Variants in PRAMEF11 observed in about 807,000 individuals in gnomAD.
PRAMEF11 encodes the protein PRAME family member 11.
In PRAMEF11, 17 loss-of-function variants were observed where a neutral mutation model predicts 33.6. That is an observed-to-expected ratio of 0.51 (90% confidence interval 0.35 to 0.76). The LOEUF (loss-of-function observed/expected upper bound fraction) is 0.76, where lower values mean the gene tolerates loss of function less well. Among genes scored for constraint, PRAMEF11 ranks in the 30% least tolerant of loss-of-function variants. The pLI is 0.01. For synonymous variants in PRAMEF11, 205 were observed against 227.3 expected (o/e 0.90, Z 0.88); for missense variants, 568 against 567.0 (o/e 1.00, Z -0.02).
At chr1:12,828,469 C>T (rs780898303) in intron 2 of PRAMEF11, 28 bp downstream of exon 2, 1 of 1,587,160 alleles carries the variant, frequency 6.3e-7, no homozygotes. Context: ...CCTGGGCCCT[C>T]CCCACCAGCC....
intron 1 of PRAMEF11, 68 bp from the exon 2 acceptor site, chr1:12,828,873 C>T: frequency 1.3e-6 from 2 of 1,598,376 alleles, no homozygotes; most frequent in Non-Finnish European, 1.7e-6. Context: ...TCATCTTCTC[C>T]CAGGGCCAAA....
At chr1:12,828,200 G>T (rs1163004310) in intron 2 of PRAMEF11, among the ~76,000 whole-genome samples, 1 of 146,434 alleles carries the variant, frequency 6.8e-6, no homozygotes. Context: ...GGACAGGCTG[G>T]CCTCCAACTC....
rs753202201 is a variant in PRAMEF11 at position 12,828,703 on chromosome 1, G to A, written c.87C>T (p.Thr29=). Residue 29 remains threonine, a synonymous_variant, in exon 2 of 4, where the codon ACC becomes ACT. Coordinates refer to ENST00000619922, the MANE Select transcript of PRAMEF11 (RefSeq NM_001146344.3). ...LLRDQALAVS[T]LEELPTELFP... ...AAAGTTCCGTGGGCAGCTCCTCCAG[G>A]GTGGAGACGGCCAAGGCTTGGTCCC... The A allele has an allele frequency of 9.3e-6, 15 of 1,610,436 alleles. 2 individuals are homozygous for A. The highest frequency in any genetic ancestry group is 1.1e-5 in the Non-Finnish European group (13 of 1,178,068).
chr1:12,827,463 G>A lies in PRAMEF11; in HGVS notation c.661C>T (p.Pro221Ser), dbSNP rs563075431. Residue 221 changes from proline (P) to serine (S), a missense_variant, in exon 3 of 4, where the codon CCC becomes TCC. Pro to Ser is a moderately conservative substitution (Grantham distance 74). Coordinates refer to ENST00000619922, the MANE Select transcript of PRAMEF11 (RefSeq NM_001146344.3). ...TATGGGGTAAACTGTGTCAGGATGG[G>A]CAGTATCCACTTGCAATTCACTTCC... is the stretch of plus-strand genomic sequence containing the variant. Reference protein sequence around the residue: ...EVEVNCKWILPILTQFTPYLG... With the variant: ...EVEVNCKWILSILTQFTPYLG... The A allele has an allele frequency of 2.8e-5, 45 of 1,610,750 alleles. 1 individual carries two copies. The African/African-American group carries it at 5.9e-4, about 21-fold the overall frequency.
At chr1:12,827,989 T>G (rs1276263486) in intron 2 of PRAMEF11, among the ~76,000 whole-genome samples, 159 bp from the exon 3 acceptor site, 1 of 123,166 alleles carries the variant, frequency 8.1e-6, no homozygotes, top group African/African-American at 3.3e-5. Flanking sequence ...TTCCACATTT[T>G]TTTGTTTTTT....
intron 3 of PRAMEF11, among the ~76,000 whole-genome samples, chr1:12,826,204 C>T (rs1356060179): frequency 3.3e-5 from 5 of 151,128 alleles, no homozygotes; most frequent in Non-Finnish European, 5.9e-5. Context: ...GTCCCTGACA[C>T]ACCTGTATCA....
chr1:12,830,074 A>T (rs1223865650), intron 1 of PRAMEF11, among the ~76,000 whole-genome samples: 1 of 151,226 alleles, frequency 6.6e-6, no homozygotes. Context: ...GTGTCCTTCA[A>T]AGTCCTGAGT....
At chr1:12,826,046 A>G (rs1260236007) in intron 3 of PRAMEF11, among the ~76,000 whole-genome samples, 1 of 150,388 alleles carries the variant, frequency 6.6e-6, no homozygotes, top group South Asian at 2.2e-4. Context: ...GAATGGATCA[A>G]GTTCACAGAA....
chr1:12,828,912 C>T lies in PRAMEF11; in HGVS notation c.-16-107G>A. On this transcript the variant is annotated intron_variant, in intron 1 of 3. Transcript: ENST00000619922. ...ACTGCTCTGGCAATGGTGAAACAGC[C>T]CTCAGTTTACTCCAATTCTACTCTG... 6.0e-6 allele frequency: 9 copies of T among 1,494,438 alleles called. No homozygotes were observed. In the South Asian group the frequency reaches 1.1e-4, roughly 18 times the overall value. 92.6% of individuals were successfully genotyped at this position (1,494,438 alleles called of 1,614,324 possible).
chr1:12,828,633 C>A lies in PRAMEF11; in HGVS notation c.157G>T (p.Ala53Ser). The A allele has an allele frequency of 6.2e-7, 1 of 1,603,496 alleles. No homozygotes were observed. Among genetic ancestry groups the A allele is most frequent in the Non-Finnish European group, 8.5e-7 (1 of 1,174,366 alleles). ...CAGGCCTGCACCATCAGCTTCAGGG[C>A]CTCACAGCGTCTCCTGCTGAAGGCC... ...MEAFSRRRCE[A>S]LKLMVQAWPF... The change falls in exon 2 of 4, where the codon GCC (alanine) becomes TCC (serine). Residue 53 changes from alanine (A) to serine (S), a missense_variant. Ala to Ser is a moderately conservative substitution (Grantham distance 99). Transcript: ENST00000619922.
In PRAMEF11 at chr1:12,828,003, T is replaced by C. The variant is rs76850225; in HGVS notation, c.294-173A>G. On this transcript the variant is annotated intron_variant, in intron 2 of 3. Transcript: ENST00000619922. ...CTTCCACATTTTTTTGTTTTTTTTT[T>C]GAGACCAAGTCTCCTTCTGTCGCCC... Among the ~76,000 whole-genome samples, 80 of 150,202 alleles carry C rather than the reference T, an allele frequency of 5.3e-4. 1 individual carries two copies. Among genetic ancestry groups the C allele is most frequent in the African/African-American group, 1.8e-3 (73 of 40,932 alleles).
intron 2 of PRAMEF11, among the ~76,000 whole-genome samples, chr1:12,828,228 A>G (rs575295632): frequency 1.2e-4 from 17 of 145,414 alleles, no homozygotes; most frequent in East Asian, 6.1e-4. Context: ...CAGCCTCCCA[A>G]TGGGCTGGGA....
At chr1:12,830,672 C>A (rs1385197598) in intron 1 of PRAMEF11, among the ~76,000 whole-genome samples, 1 of 150,240 alleles carries the variant, frequency 6.7e-6, no homozygotes, top group Non-Finnish European at 1.5e-5. Flanking sequence ...ATGCATGTCA[C>A]CATGCTCGGC....
At chr1:12,826,704 G>T (rs1181336015) in intron 3 of PRAMEF11, among the ~76,000 whole-genome samples, 2 of 151,454 alleles carry the variant, frequency 1.3e-5, no homozygotes, top group African/African-American at 2.4e-5. Context: ...AGAAGTTGCT[G>T]CGAGCTGAGA....
At position 12,827,817 on chromosome 1, in the gene PRAMEF11, G is replaced by A; in HGVS notation, c.307C>T (p.Gln103Ter). ...CAGACATCCTGTAAATCCAGCACTT[G>A]AAGTTTCCATCTCCTGTGGGAAAAT... ...QGVRPRRWKL[Q>*]VLDLQDVCEN... Residue 103 changes from glutamine to a stop codon, truncating the protein, a stop_gained, in exon 3 of 4, where the codon CAA becomes TAA. Coordinates refer to ENST00000619922, the MANE Select transcript of PRAMEF11 (RefSeq NM_001146344.3). LOFTEE classifies it high-confidence loss of function. 1 of 1,607,324 alleles carries A rather than the reference G, an allele frequency of 6.2e-7. No homozygotes were observed. Among genetic ancestry groups the A allele is most frequent in the Non-Finnish European group, 8.5e-7 (1 of 1,177,800 alleles).
In PRAMEF11 at chr1:12,828,512, T is replaced by A. The variant is rs1342505897; in HGVS notation, c.278A>T (p.Gln93Leu). The change falls in exon 2 of 4, where the codon CAA (glutamine) becomes CTA (leucine). Residue 93 changes from glutamine (Q) to leucine (L), a missense_variant. Coordinates refer to ENST00000619922, the MANE Select transcript of PRAMEF11 (RefSeq NM_001146344.3). ...GCCACCTCACCTGGGACGAACCCCT[T>A]GGGTAAGCAGTGCATCCAGCCCATC... ...VLDGLDALLT[Q>L]GVRPRRWKLQ... 37 of 1,599,120 alleles carry A rather than the reference T, an allele frequency of 2.3e-5. No homozygotes were observed. The highest frequency in any genetic ancestry group is 1.8e-4 in the African/African-American group (13 of 73,366).
rs559347095 is a variant in PRAMEF11, at chr1:12,827,485, T to G, written c.639A>C (p.Glu213Asp). ...TGGGCAGTATCCACTTGCAATTCAC[T>G]TCCACCTCCTGGATACAGTCTAGGT... ...MVNLDCIQEV[E>D]VNCKWILPIL... Residue 213 changes from glutamate to aspartate, a missense_variant, in exon 3 of 4, where the codon GAA becomes GAC. Physicochemically the swap from Glu to Asp is conservative, Grantham distance 45 (BLOSUM62 2). This residue lies in a region of PRAMEF11 where 342 missense variants were observed against 312.0 expected (regional missense o/e 1.10). Transcript: ENST00000619922. The G allele has an allele frequency of 1.2e-6, 2 of 1,611,280 alleles. No homozygotes were observed. Among genetic ancestry groups the G allele is most frequent in the South Asian group, 1.1e-5 (1 of 90,892 alleles).
At position 12,827,410 on chromosome 1, in the gene PRAMEF11, C is replaced by T. The variant is rs773492795; in HGVS notation, c.714G>A (p.Lys238=). The T allele has an allele frequency of 6.2e-6, 10 of 1,606,544 alleles. No homozygotes were observed. Among genetic ancestry groups the T allele is most frequent in the Admixed American group, 3.3e-5 (2 of 59,748 alleles). The stretch of plus-strand genomic sequence containing the variant: ...AGACATCCATGTGGGAGAGAACGAG[C>T]TTCTGAAGATTCCTCAAGTGGCCCA... ...PYLGHLRNLQ[K]LVLSHMDVSR... The change falls in exon 3 of 4, where the codon AAG becomes AAA. Residue 238 remains lysine (K), a synonymous_variant. Transcript: ENST00000619922.
chr1:12,827,210 T>G, intron 3 of PRAMEF11, 39 bp downstream of exon 3: 1 of 1,519,572 alleles, frequency 6.6e-7, no homozygotes, highest in Non-Finnish European at 9.0e-7. Flanking sequence ...TAACAGGCTC[T>G]GCTGTGGTCT....
Sources: allele counts gnomAD v4.1 joint callset (sites outside exome capture counted in the v4.1 genomes callset), GRCh38; gene constraint gnomAD v4.1.1; regional missense constraint gnomAD v4.1.1; transcripts MANE v1.5; gene names NCBI Gene and HGNC (gene_info 2026-07-23, HGNC 2026-07-21).